Variants in UGT2A2 observed in about 807,000 individuals in gnomAD.
UGT2A2 encodes the protein UDP-glucuronosyltransferase 2A2.
Under a neutral mutation model 50.7 loss-of-function variants are expected in UGT2A2, and 60 were observed. The ratio of observed to expected loss-of-function variants is 1.18; its 90% CI spans 0.96 to 1.47. The LOEUF is 1.47. UGT2A2 is among the 40% of genes most tolerant of loss of function. The pLI, the probability that UGT2A2 is intolerant of heterozygous loss-of-function variation, is 0.00. For missense variants in UGT2A2, 762 were observed against 634.0 expected (o/e 1.20, Z -2.17); for synonymous variants, 242 against 214.6 (o/e 1.13, Z -1.11).
intron 1 of UGT2A2, among the ~76,000 whole-genome samples, chr4:69,626,392 G>A (rs1400675258): frequency 2.7e-5 from 4 of 150,778 alleles, no homozygotes; most frequent in African/African-American, 4.9e-5. Context: ...TTTTATATAC[G>A]TATGTATACA....
At position 69,639,343 on chromosome 4, in the gene UGT2A2, T is replaced by G; in HGVS notation, c.298A>C (p.Ile100Leu). ...SNIDSLIEHM[I>L]MLWIDHRPTP... ...GGTCTATGGTCAATCCACAGCATTA[T>G]CATATGCTCAATTAAGGAATCTATA... The change falls in exon 1 of 6, where the codon ATA (isoleucine) becomes CTA (leucine). Residue 100 changes from isoleucine to leucine, a missense_variant. Physicochemically the swap from Ile to Leu is conservative, Grantham distance 5. Coordinates refer to ENST00000604629, the MANE Select transcript of UGT2A2 (RefSeq NM_001105677.2). The G allele has an allele frequency of 6.2e-7, 1 of 1,613,734 alleles. No individual in the cohort carries two copies. Among genetic ancestry groups the G allele is most frequent in the Non-Finnish European group, 8.5e-7 (1 of 1,179,754 alleles).
chr4:69,600,373 T>G (rs889075579), intron 1 of UGT2A2, among the ~76,000 whole-genome samples: 2 of 152,172 alleles, frequency 1.3e-5, no homozygotes, highest in Non-Finnish European at 2.9e-5. Flanking sequence ...CGGAAGTCTG[T>G]CAACTAACTC....
intron 1 of UGT2A2, among the ~76,000 whole-genome samples, chr4:69,630,507 A>G (rs1436267631): frequency 1.3e-5 from 2 of 152,120 alleles, no homozygotes; most frequent in Non-Finnish European, 2.9e-5. Context: ...TGCAGATTCA[A>G]TGATATTTAC....
chr4:69,627,323 T>A (rs1721116010), intron 1 of UGT2A2, among the ~76,000 whole-genome samples: 2 of 151,654 alleles, frequency 1.3e-5, no homozygotes, highest in Admixed American at 6.6e-5. Context: ...TATAAATGAG[T>A]CTCTTAACAG....
At chr4:69,621,384 A>T (rs181043019) in intron 1 of UGT2A2, among the ~76,000 whole-genome samples, 1 of 152,150 alleles carries the variant, frequency 6.6e-6, no homozygotes, top group Admixed American at 6.6e-5. Flanking sequence ...ACCATCAAGT[A>T]TATTAAAAAG....
chr4:69,616,110 C>A (rs752012460), intron 1 of UGT2A2, among the ~76,000 whole-genome samples: 3 of 151,826 alleles, frequency 2.0e-5, no homozygotes, highest in Non-Finnish European at 4.4e-5. Flanking sequence ...ATGAAATAAG[C>A]CAGGCGCGGA....
chr4:69,635,849 A>AAGAGAG (rs760585451), intron 1 of UGT2A2: 1 of 118,514 alleles, frequency 8.4e-6, no homozygotes, highest in African/African-American at 4.0e-5. Flanking sequence ...AAAAAAAAAA[A>AAGAGAG]AGAGAGAGAG....
chr4:69,607,642 A>G (rs1276828514), intron 1 of UGT2A2, among the ~76,000 whole-genome samples: 1 of 152,168 alleles, frequency 6.6e-6, no homozygotes, highest in African/African-American at 2.4e-5. Context: ...AACCTACAGA[A>G]TGGGAGAAAA....
chr4:69,614,418 C>T (rs9997689), intron 1 of UGT2A2, among the ~76,000 whole-genome samples: 38,051 of 151,344 alleles, frequency 0.25, 5,149 homozygotes, highest in African/African-American at 0.35. Context: ...AGATTCATTG[C>T]AATCCCTATC....
chr4:69,589,384 T>G lies in UGT2A2; in HGVS notation c.1599A>C (p.Lys533Asn), dbSNP rs1375138393. The G allele has an allele frequency of 1.3e-5, 21 of 1,611,314 alleles. No individual in the cohort carries two copies. Among genetic ancestry groups the G allele is most frequent in the Non-Finnish European group, 1.8e-5 (21 of 1,178,732 alleles). The change falls in exon 6 of 6, where the codon AAA becomes AAC. Residue 533 changes from lysine (K) to asparagine (N), a missense_variant. By Grantham distance (94) the Lys-to-Asn change is moderately conservative. Coordinates refer to ENST00000604629, the MANE Select transcript of UGT2A2 (RefSeq NM_001105677.2). The part of the protein sequence containing the change: ...CQKFGKIGKK[K>N]KRE Reference sequence around the variant, plus strand: ...TCTTTTTCTTGACCTATTCTCTTTTTTTCTTCTTTCCTATCTTACCAAATT... The same window carrying G: ...TCTTTTTCTTGACCTATTCTCTTTTGTTCTTCTTTCCTATCTTACCAAATT...
intron 1 of UGT2A2, 102 bp from the exon 2 acceptor site, chr4:69,599,496 A>G (rs1019712468): frequency 1.5e-4 from 222 of 1,527,392 alleles, no homozygotes; most frequent in Non-Finnish European, 1.8e-4. Context: ...TTAAGAAAAA[A>G]CTGAATTAGG....
chr4:69,597,413 A>C (rs995009392), intron 2 of UGT2A2, among the ~76,000 whole-genome samples: 1 of 152,176 alleles, frequency 6.6e-6, no homozygotes, highest in African/African-American at 2.4e-5. Flanking sequence ...GTAATTACTT[A>C]TAGTTTTGCA....
At chr4:69,594,743 T>G (rs1247167572) in intron 4 of UGT2A2, 47 bp from the exon 5 acceptor site, 1 of 1,570,876 alleles carries the variant, frequency 6.4e-7, no homozygotes, top group Non-Finnish European at 8.7e-7. Context: ...AATAACACAT[T>G]AGCAGAATTT....
intron 2 of UGT2A2, among the ~76,000 whole-genome samples, chr4:69,598,452 A>C (rs868022655): frequency 6.6e-6 from 1 of 152,112 alleles, no homozygotes; most frequent in Admixed American, 6.5e-5. Context: ...TTTTCTGAAG[A>C]CTTCATATTG....
chr4:69,593,967 C>CTTTTTTTTTTTTTTT lies in UGT2A2; in HGVS notation c.1331+509_1331+510insAAAAAAAAAAAAAAA, dbSNP rs200066453. Among the ~76,000 whole-genome samples the CTTTTTTTTTTTTTTT allele has an allele frequency of 5.6e-5, 6 of 107,816 alleles. 1 individual carries two copies. Among genetic ancestry groups the CTTTTTTTTTTTTTTT allele is most frequent in the East Asian group, 3.3e-4 (1 of 3,062 alleles). The allele number at this position is 107,816 out of a possible 152,430, so 70.7% of individuals were successfully genotyped here. A position where few individuals can be genotyped will look rare whatever the true frequency, so the allele number is the denominator to read the frequency against. The stretch of plus-strand genomic sequence containing the variant: ...AAAATATTGAAATAATATTTGAAGT[C>CTTTTTTTTTTTTTTT]TTTTTTTTTGTTTGTTTTTTTTTTT... On this transcript the variant is annotated intron_variant, in intron 5 of 5. Transcript: ENST00000604629.
At chr4:69,600,262 A>T (rs901387697) in intron 1 of UGT2A2, among the ~76,000 whole-genome samples, 3 of 152,158 alleles carry the variant, frequency 2.0e-5, no homozygotes, top group Non-Finnish European at 4.4e-5. Flanking sequence ...AGTGGGAAAC[A>T]CATGAGAAAG....
intron 1 of UGT2A2, among the ~76,000 whole-genome samples, chr4:69,636,523 C>A (rs1466568557): frequency 1.4e-5 from 2 of 142,824 alleles, no homozygotes; most frequent in Non-Finnish European, 1.6e-5. Context: ...AATTTCTGAA[C>A]CTAGATTATT....
In UGT2A2 at chr4:69,625,613, T is replaced by C. The variant is rs369598789; in HGVS notation, c.742+13286A>G. 3.8e-4 allele frequency among the ~76,000 whole-genome samples: 58 copies of C among 151,558 alleles called. No homozygotes were observed. The East Asian group carries it at 8.3e-3, about 22-fold the overall frequency. Reference sequence around the variant, plus strand: ...TGGTAGTTTAATGTGGGCTTGTTTATAGAAATTTTATTTTTCTCATTATAT... The same window carrying C: ...TGGTAGTTTAATGTGGGCTTGTTTACAGAAATTTTATTTTTCTCATTATAT... On this transcript the variant is annotated intron_variant, in intron 1 of 5. Transcript: ENST00000604629.
intron 1 of UGT2A2, among the ~76,000 whole-genome samples, chr4:69,632,299 G>A (rs1721431459): frequency 6.6e-6 from 1 of 152,114 alleles, no homozygotes; most frequent in African/African-American, 2.4e-5. Flanking sequence ...ACTAGGTTTT[G>A]GGGTTAATAA....
Sources: allele counts gnomAD v4.1 joint callset (sites outside exome capture counted in the v4.1 genomes callset), GRCh38; gene constraint gnomAD v4.1.1; transcripts MANE v1.5; gene names NCBI Gene and HGNC (gene_info 2026-07-23, HGNC 2026-07-21).